PATL1: variants seen among roughly 807,000 people sequenced by gnomAD.
The protein encoded by PATL1 is protein PAT1 homolog 1.
A neutral mutation model predicts 100.6 loss-of-function variants in PATL1; 32 were observed. That is an observed-to-expected ratio of 0.32 (90% CI 0.24 to 0.43). The LOEUF is 0.43. Among genes scored for constraint, PATL1 ranks in the 20% least tolerant of loss-of-function variants. The probability of loss-of-function intolerance (pLI) is 1.00; values close to 1 mark genes in which losing one functional copy is unlikely to be tolerated. For missense variants in PATL1, 747 were observed against 949.9 expected (o/e 0.79, Z 2.81); for synonymous variants, 332 against 330.0 (o/e 1.01, Z -0.07).
intron 1 of PATL1, among the ~76,000 whole-genome samples, chr11:59,668,653 A>G (rs911474811): frequency 6.6e-6 from 1 of 151,930 alleles, no homozygotes; most frequent in Non-Finnish European, 1.5e-5. Flanking sequence ...CCCAAAACGG[A>G]GGCCAACTTT....
At chr11:59,650,950 C>A (rs1861435663) in intron 12 of PATL1, 137 bp from the exon 13 acceptor site, 1 of 637,494 alleles carries the variant, frequency 1.6e-6, no homozygotes, top group Non-Finnish European at 2.6e-6. Context: ...TCTAAAACAA[C>A]CCTAGTATGA....
intron 16 of PATL1, chr11:59,642,678 A>G (rs1020079393): frequency 6.0e-6 from 3 of 497,906 alleles, no homozygotes; most frequent in Non-Finnish European, 1.0e-5. Flanking sequence ...CTACTAAATC[A>G]AATTTATTTC....
Position 59,650,808 on chromosome 11 carries a change from T to C in PATL1, c.1530A>G (p.Thr510=). 1.9e-6 allele frequency: 3 copies of C among 1,552,150 alleles called. No individual in the cohort carries two copies. The highest frequency in any genetic ancestry group is 2.4e-5 in the South Asian group (2 of 83,826). Residue 510 remains threonine (T), a synonymous_variant, in exon 13 of 19, where the codon ACA becomes ACG. Transcript: ENST00000300146. ...TCTTGTCTCGAACTTGTTTTTCTTT[T>C]GTCTCCTAAAAAAGAGAAGACTATT... ...VVTSRSEDDE[T]KEKQVRDKRR... is the part of the protein sequence containing the mutation.
At chr11:59,659,206 T>G in intron 3 of PATL1, 46 bp downstream of exon 3, 1 of 1,503,238 alleles carries the variant, frequency 6.7e-7, no homozygotes, top group South Asian at 1.2e-5. Context: ...TACTTCACTT[T>G]AATTTTTAGT....
intron 18 of PATL1, 75 bp downstream of exon 18, chr11:59,638,973 G>A (rs555019401): frequency 8.6e-6 from 13 of 1,506,764 alleles, no homozygotes; most frequent in East Asian, 6.8e-5. Context: ...GTGAGCCACC[G>A]TACCCAGCCT....
rs1861616380 is a variant in PATL1, at chr11:59,660,857, AC to A, written c.128-1389del. Among the ~76,000 whole-genome samples, 12 of 152,208 alleles carry A rather than the reference AC, an allele frequency of 7.9e-5. No homozygotes were observed. The South Asian group carries it at 2.5e-3, about 32-fold the overall frequency. On this transcript the variant is annotated intron_variant, in intron 2 of 18. Transcript: ENST00000300146. ...ACTATGTCTGCTATTACTGCACACTACTATAAAGTCTGTAGCACTGACATTA... is the reference window on the plus strand; with the variant it reads ...ACTATGTCTGCTATTACTGCACACTATATAAAGTCTGTAGCACTGACATTA...
rs559165299 is a variant in PATL1, at chr11:59,663,031, T to G, written c.128-3562A>C. On this transcript the variant is annotated intron_variant, in intron 2 of 18. Transcript: ENST00000300146. ...TTGTAAAAAATTATCTGAAGTAGTA[T>G]TTTAGAGATATTGTGCCCTTACTAT... Among the ~76,000 whole-genome samples the G allele has an allele frequency of 3.3e-5, 5 of 152,280 alleles. No individual in the cohort carries two copies. In the South Asian group the frequency reaches 1.0e-3, roughly 32 times the overall value.
intron 2 of PATL1, among the ~76,000 whole-genome samples, chr11:59,665,124 A>G (rs1263693806): frequency 6.6e-6 from 1 of 152,208 alleles, no homozygotes; most frequent in Non-Finnish European, 1.5e-5. Flanking sequence ...GCTGCTTCTA[A>G]TCATAACAAA....
chr11:59,650,732 C>T (rs779428098), intron 13 of PATL1, 22 bp downstream of exon 13: 51 of 1,515,230 alleles, frequency 3.4e-5, no homozygotes, highest in South Asian at 1.7e-4. Flanking sequence ...AAACTAACTA[C>T]AGCAACAAAT....
intron 15 of PATL1, 59 bp downstream of exon 15, chr11:59,647,695 C>T (rs1226086586): frequency 6.5e-7 from 1 of 1,544,970 alleles, no homozygotes; most frequent in Non-Finnish European, 8.9e-7. Flanking sequence ...AGTTTGCATT[C>T]TAGAAATCTT....
At chr11:59,649,322 T>C in intron 14 of PATL1, 140 bp downstream of exon 14, 2 of 832,490 alleles carry the variant, frequency 2.4e-6, no homozygotes, top group South Asian at 3.9e-5. Flanking sequence ...TGAAGTGGCA[T>C]TTGAGTTAGG....
chr11:59,667,961 C>A (rs1861713656), intron 1 of PATL1, among the ~76,000 whole-genome samples: 1 of 152,152 alleles, frequency 6.6e-6, no homozygotes, highest in South Asian at 2.1e-4. Flanking sequence ...GCCTGGCTAC[C>A]TCTTAGCTAC....
chr11:59,657,781 A>T, intron 4 of PATL1, 57 bp from the exon 5 acceptor site: 1 of 1,381,236 alleles, frequency 7.2e-7, no homozygotes, highest in Non-Finnish European at 9.7e-7. Context: ...ATGTTTTAGT[A>T]ATCTCTACAG....
chr11:59,652,178 C>G (rs1861457521), intron 11 of PATL1, among the ~76,000 whole-genome samples: 1 of 142,944 alleles, frequency 7.0e-6, no homozygotes, highest in Admixed American at 7.1e-5. Flanking sequence ...CAATAAAAAT[C>G]TGAAGTATTT....
At position 59,641,221 on chromosome 11, in the gene PATL1, G is replaced by A. The variant is rs533333701; in HGVS notation, c.2049+1659C>T. ...GGTGGCACATGCTACTCAAGAGGCTGAGGTGGGAGGATCGCTTTGAGTACA... is the reference window on the plus strand; with the variant it reads ...GGTGGCACATGCTACTCAAGAGGCTAAGGTGGGAGGATCGCTTTGAGTACA... On this transcript the variant is annotated intron_variant, in intron 16 of 18. Transcript: ENST00000300146. Among the ~76,000 whole-genome samples, 19 of 152,186 alleles carry A rather than the reference G, an allele frequency of 1.2e-4. No individual in the cohort carries two copies. The South Asian group carries it at 3.7e-3, about 30-fold the overall frequency.
At chr11:59,651,714 A>T (rs1861446152) in intron 11 of PATL1, 73 bp from the exon 12 acceptor site, 1 of 951,108 alleles carries the variant, frequency 1.1e-6, no homozygotes, top group Non-Finnish European at 1.6e-6. Context: ...TGTTCAAAGA[A>T]GATTTTTACT....
intron 2 of PATL1, among the ~76,000 whole-genome samples, chr11:59,665,758 T>A (rs559986407): frequency 6.6e-6 from 1 of 151,774 alleles, no homozygotes; most frequent in South Asian, 2.1e-4. Flanking sequence ...TGCACTCCAG[T>A]CTAGGTGACA....
intron 18 of PATL1, 86 bp downstream of exon 18, chr11:59,638,962 T>G (rs1861232771): frequency 1.4e-6 from 2 of 1,436,548 alleles, no homozygotes; most frequent in Non-Finnish European, 1.9e-6. Flanking sequence ...GGATTACAGG[T>G]GTGAGCCACC....
chr11:59,653,542 G>GT (rs1861477436), intron 9 of PATL1, among the ~76,000 whole-genome samples: 1 of 152,126 alleles, frequency 6.6e-6, no homozygotes, highest in African/African-American at 2.4e-5. Context: ...AGAAAAAAAT[G>GT]TATTTGGTTG....
Sources: gnomAD v4.1 joint callset for allele counts (sites outside exome capture counted in the v4.1 genomes callset) on GRCh38, gnomAD v4.1.1 for gene constraint, MANE v1.5 for transcripts, NCBI Gene and HGNC (gene_info 2026-07-23, HGNC 2026-07-21) for gene names.